TMC3: variants seen among roughly 807,000 people sequenced by gnomAD.
TMC3 encodes the protein transmembrane channel-like protein 3.
In TMC3, 98 loss-of-function variants were observed where a neutral mutation model predicts 110.6. The ratio of observed to expected loss-of-function variants is 0.89; its 90% CI spans 0.75 to 1.05. The LOEUF is 1.05. Among genes scored for constraint, TMC3 ranks in the 50% least tolerant of loss-of-function variants. TMC3 has a pLI of 0.00. For synonymous variants in TMC3, 489 were observed against 513.1 expected, an observed-to-expected ratio of 0.95 and a Z score of 0.63; for missense variants, 1,319 against 1,373.2, an observed-to-expected ratio of 0.96 and a Z score of 0.62.
At chr15:81,364,742 A>T (rs1400991720) in intron 3 of TMC3, among the ~76,000 whole-genome samples, 1 of 151,574 alleles carries the variant, frequency 6.6e-6, no homozygotes, top group African/African-American at 2.4e-5. Flanking sequence ...TAAAAAAAAA[A>T]TTTAAAAATC....
chr15:81,372,513 T>C, intron 2 of TMC3, 78 bp downstream of exon 2: 8 of 1,575,590 alleles, frequency 5.1e-6, no homozygotes, highest in Non-Finnish European at 6.1e-6. Flanking sequence ...GTCTTTATCC[T>C]CGTTCCCATG....
intron 2 of TMC3, among the ~76,000 whole-genome samples, chr15:81,372,320 ACTCT>A (rs1241019201): frequency 1.3e-5 from 2 of 148,536 alleles, no homozygotes; most frequent in South Asian, 2.1e-4. Context: ...AACTCTTTAT[ACTCT>A]CTCTTTCTCT....
Position 81,332,820 on chromosome 15 carries a change from G to A in TMC3, c.2902C>T (p.Arg968Trp), listed in dbSNP as rs149972652. 2,506 of 1,612,646 alleles carry A rather than the reference G, an allele frequency of 1.6e-3. 25 individuals are homozygous for A. The African/African-American group carries it at 0.023, about 15-fold the overall frequency. The change falls in exon 22 of 22, where the codon CGG (arginine) becomes TGG (tryptophan). Residue 968 changes from arginine to tryptophan, a missense_variant. Physicochemically the swap from Arg to Trp is moderately radical, Grantham distance 101 (BLOSUM62 -3). Coordinates refer to ENST00000359440, the MANE Select transcript of TMC3 (RefSeq NM_001080532.3). The part of the protein sequence containing the change: ...LPPRSLIDLR[R>W]APHFYIGERS... ...TCCCCAATATAAAAATGAGGAGCCC[G>A]ACGGAGGTCTATCAGGGAGCGTGGG...
rs1893958481 is a variant in TMC3, at chr15:81,351,826, G to A, written c.951C>T (p.Cys317=). 6.2e-7 allele frequency: 1 copy of A among 1,612,190 alleles called. No homozygotes were observed. The highest frequency in any genetic ancestry group is 1.1e-5 in the South Asian group (1 of 90,442). ...CCAGGATGTTGGCAATAATCCTCAG[G>A]CAGATGGTCACTGCCCTGGGGAGAG... is the stretch of plus-strand genomic sequence containing the variant. The part of the protein sequence containing the change: ...KKSKNLAVTI[C]LRIIANILVL... Residue 317 remains cysteine, a synonymous_variant, in exon 10 of 22, where the codon TGC becomes TGT. Coordinates refer to ENST00000359440, the MANE Select transcript of TMC3 (RefSeq NM_001080532.3).
At chr15:81,364,403 C>G (rs1005051596) in intron 3 of TMC3, among the ~76,000 whole-genome samples, 11 of 151,880 alleles carry the variant, frequency 7.2e-5, no homozygotes, top group African/African-American at 2.7e-4. Flanking sequence ...CAAATCTCCA[C>G]AGCAAAAGCC....
Position 81,368,234 on chromosome 15 carries a change from CAT to C in TMC3, c.312+17_312+18del, listed in dbSNP as rs1275694703. ...AGGTGTGAGCCACCGCGCCCAGCCA[CAT>C]GTGTGTTCTGTATTACCTCTGCACC... On this transcript the variant is annotated intron_variant, in intron 3 of 21. Coordinates refer to ENST00000359440, the MANE Select transcript of TMC3 (RefSeq NM_001080532.3). 3 of 1,607,686 alleles carry C rather than the reference CAT, an allele frequency of 1.9e-6. No individual in the cohort carries two copies.
intron 1 of TMC3, 128 bp from the exon 2 acceptor site, chr15:81,372,865 T>TTGTGAG: frequency 5.2e-6 from 3 of 579,546 alleles, no homozygotes; most frequent in Non-Finnish European, 8.7e-6. Context: ...GTGTATGTGT[T>TTGTGAG]TGTGCGTGTG....
rs750482922 is a variant in TMC3 at position 81,368,265 on chromosome 15, T to C, written c.300A>G (p.Ala100=). 3.1e-6 allele frequency: 5 copies of C among 1,613,664 alleles called. No homozygotes were observed. The East Asian group carries it at 8.9e-5, about 29-fold the overall frequency. ...GRLTRTRGYQ[A]AGAELWRKFA... ...TGTTCTGTATTACCTCTGCACCTGC[T>C]GCTTGGTAGCCTCGGGTCCTGGTCA... The change falls in exon 3 of 22, where the codon GCA becomes GCG. Residue 100 remains alanine, a synonymous_variant. Transcript: ENST00000359440.
chr15:81,336,563 G>A, intron 20 of TMC3, 46 bp downstream of exon 20: 1 of 1,592,822 alleles, frequency 6.3e-7, no homozygotes, highest in African/African-American at 1.3e-5. Flanking sequence ...GCAAGACTCT[G>A]CCTCAAAACA....
At chr15:81,335,090 G>T in intron 20 of TMC3, 115 bp from the exon 21 acceptor site, 1 of 1,156,504 alleles carries the variant, frequency 8.6e-7, no homozygotes, top group Non-Finnish European at 1.2e-6. Context: ...GCAAACAATT[G>T]AGTGCACTTA....
intron 17 of TMC3, among the ~76,000 whole-genome samples, chr15:81,338,990 A>G (rs138581049): frequency 6.6e-6 from 1 of 152,362 alleles, no homozygotes; most frequent in African/African-American, 2.4e-5. Flanking sequence ...GGTAGACTAA[A>G]TATTCCATAT....
chr15:81,342,609 C>T (rs1893738402), intron 15 of TMC3: 1 of 152,172 alleles, frequency 6.6e-6, no homozygotes, highest in Non-Finnish European at 1.5e-5. Context: ...CTCTCAATTG[C>T]CATGTATTTT....
chr15:81,341,628 T>C (rs906731960), intron 15 of TMC3, 110 bp from the exon 16 acceptor site: 39 of 1,270,256 alleles, frequency 3.1e-5, no homozygotes, highest in Non-Finnish European at 4.0e-5. Flanking sequence ...GATTATACCC[T>C]AAGCTTAAAG....
intron 9 of TMC3, among the ~76,000 whole-genome samples, chr15:81,355,442 C>T (rs1187500947): frequency 6.6e-6 from 1 of 152,166 alleles, no homozygotes; most frequent in East Asian, 1.9e-4. Flanking sequence ...TAAGTTGGTG[C>T]TCAAAATACC....
chr15:81,333,126 G>A lies in TMC3; in HGVS notation c.2596C>T (p.Pro866Ser). Residue 866 changes from proline to serine, a missense_variant, in exon 22 of 22, where the codon CCT becomes TCT. By Grantham distance (74) the Pro-to-Ser change is moderately conservative (BLOSUM62 -1). Transcript: ENST00000359440. ...GTCGAGGCCTGTGGTCCACGGTGAGGAGGGTTGATTTGCTGAAAGTCTTTT... is the reference window on the plus strand; with the variant it reads ...GTCGAGGCCTGTGGTCCACGGTGAGAAGGGTTGATTTGCTGAAAGTCTTTT... ...FRKDFQQINPPHRGPQASTLL... is the reference protein window; with the variant it reads ...FRKDFQQINPSHRGPQASTLL... The A allele has an allele frequency of 6.2e-7, 1 of 1,614,070 alleles. No individual in the cohort carries two copies. The highest frequency in any genetic ancestry group is 1.1e-5 in the South Asian group (1 of 91,086).
At chr15:81,364,603 A>C (rs1894264363) in intron 3 of TMC3, among the ~76,000 whole-genome samples, 1 of 150,804 alleles carries the variant, frequency 6.6e-6, no homozygotes, top group Non-Finnish European at 1.5e-5. Flanking sequence ...TAGTGGGTGC[A>C]GCGCACCAGC....
At chr15:81,363,954 G>T (rs570317080) in intron 3 of TMC3, among the ~76,000 whole-genome samples, 1 of 152,318 alleles carries the variant, frequency 6.6e-6, no homozygotes, top group East Asian at 1.9e-4. Context: ...GAAAGCCAGA[G>T]ACCTGAGTTC....
chr15:81,369,597 T>C (rs1894390638), intron 2 of TMC3, among the ~76,000 whole-genome samples: 1 of 152,106 alleles, frequency 6.6e-6, no homozygotes, highest in South Asian at 2.1e-4. Flanking sequence ...ACACCTATTT[T>C]GGGTCAAGCA....
chr15:81,332,661 A>G lies in TMC3; in HGVS notation c.3061T>C (p.Tyr1021His), dbSNP rs752709944. Residue 1021 changes from tyrosine (Y) to histidine (H), a missense_variant, in exon 22 of 22, where the codon TAC becomes CAC. Coordinates refer to ENST00000359440, the MANE Select transcript of TMC3 (RefSeq NM_001080532.3). ...CTGGGCTTCAGAGGGGGCTGTGGGTATTGGAAATTCCGGGATCGTGGCTTT... is the reference window on the plus strand; with the variant it reads ...CTGGGCTTCAGAGGGGGCTGTGGGTGTTGGAAATTCCGGGATCGTGGCTTT... The part of the protein sequence containing the change: ...PRKPRSRNFQ[Y>H]PQPPLKPRGK... The G allele has an allele frequency of 2.9e-5, 46 of 1,613,824 alleles. 2 individuals are homozygous for G. The highest frequency in any genetic ancestry group is 2.0e-4 in the African/African-American group (15 of 74,918).
Sources: gnomAD v4.1 joint callset for allele counts (sites outside exome capture counted in the v4.1 genomes callset) on GRCh38, gnomAD v4.1.1 for gene constraint, MANE v1.5 for transcripts, NCBI Gene and HGNC (gene_info 2026-07-23, HGNC 2026-07-21) for gene names.